Variants in CNKSR2 observed in about 807,000 individuals in gnomAD.
The protein encoded by CNKSR2 is connector enhancer of kinase suppressor of Ras 2.
A neutral mutation model predicts 84.4 loss-of-function variants in CNKSR2; 14 were observed. That is an observed-to-expected ratio of 0.17 (90% CI 0.11 to 0.26). CNKSR2 has a LOEUF of 0.26. CNKSR2 is among the 10% of genes least tolerant of loss of function. The probability of loss-of-function intolerance (pLI) is 1.00; values close to 1 mark genes in which losing one functional copy is unlikely to be tolerated. For missense variants in CNKSR2, 485 were observed against 771.2 expected (o/e 0.63, Z 4.40); for synonymous variants, 275 against 277.9 (o/e 0.99, Z 0.10).
intron 1 of CNKSR2, among the ~76,000 whole-genome samples, chrX:21,378,838 C>A (rs749184166): frequency 9.0e-6 from 1 of 111,223 alleles, no homozygotes; most frequent in South Asian, 3.8e-4. Context: ...CTTCTCTTAC[C>A]ATCTCTGTGA....
intron 1 of CNKSR2, among the ~76,000 whole-genome samples, chrX:21,407,528 C>G (rs183054113): frequency 9.0e-6 from 1 of 110,585 alleles, no homozygotes; most frequent in Non-Finnish European, 1.9e-5. Context: ...GAACCCCTCA[C>G]CCCCTCCTAT....
intron 1 of CNKSR2, among the ~76,000 whole-genome samples, chrX:21,390,604 C>A (rs1035225298): frequency 6.3e-5 from 7 of 111,568 alleles, no homozygotes; most frequent in African/African-American, 2.0e-4. Flanking sequence ...TCACCTCCCA[C>A]CAGGGCCCTC....
At chrX:21,418,252 A>G (rs2090448627) in intron 1 of CNKSR2, among the ~76,000 whole-genome samples, 2 of 111,912 alleles carry the variant, frequency 1.8e-5, no homozygotes, top group South Asian at 7.3e-4. Context: ...TATGTCTTGA[A>G]AAGCTGTTGT....
At chrX:21,551,407 G>A (rs952753674) in intron 11 of CNKSR2, among the ~76,000 whole-genome samples, 2 of 112,167 alleles carry the variant, frequency 1.8e-5, no homozygotes, top group Admixed American at 9.4e-5. Flanking sequence ...AAGTTCGGTG[G>A]TATTCATATG....
At chrX:21,467,802 G>GT (rs2091148202) in intron 4 of CNKSR2, among the ~76,000 whole-genome samples, 1 of 110,376 alleles carries the variant, frequency 9.1e-6, no homozygotes, top group Non-Finnish European at 1.9e-5. Context: ...TGTCAAAATA[G>GT]TTGAGTGTGC....
intron 13 of CNKSR2, among the ~76,000 whole-genome samples, chrX:21,580,006 A>C (rs1029228845): frequency 6.3e-5 from 7 of 111,986 alleles, no homozygotes; most frequent in African/African-American, 1.9e-4. Flanking sequence ...GACTATGAAA[A>C]ATGCCATCTA....
At chrX:21,492,623 A>G (rs2091453640) in intron 6 of CNKSR2, 1 of 111,614 alleles carries the variant, frequency 9.0e-6, no homozygotes, top group African/African-American at 3.3e-5. Flanking sequence ...ATGACTTTAA[A>G]ACTGAAATTA....
intron 1 of CNKSR2, among the ~76,000 whole-genome samples, chrX:21,382,433 A>T (rs911254573): frequency 2.1e-4 from 23 of 111,564 alleles, no homozygotes; most frequent in African/African-American, 6.8e-4. Context: ...ACATTAAAAC[A>T]CACTCCTTCT....
At chrX:21,518,715 A>G (rs1268731687) in intron 9 of CNKSR2, among the ~76,000 whole-genome samples, 1 of 111,951 alleles carries the variant, frequency 8.9e-6, no homozygotes, top group African/African-American at 3.2e-5. Flanking sequence ...CACTATTTCT[A>G]GATCCATTCC....
chrX:21,519,292 G>A (rs1032632398), intron 9 of CNKSR2, among the ~76,000 whole-genome samples: 1 of 110,890 alleles, frequency 9.0e-6, no homozygotes, highest in Non-Finnish European at 1.9e-5. Flanking sequence ...TACAGAAGAT[G>A]GACAAAATCT....
chrX:21,388,197 C>A (rs537717179), intron 1 of CNKSR2, among the ~76,000 whole-genome samples: 1 of 111,802 alleles, frequency 8.9e-6, no homozygotes, highest in South Asian at 3.7e-4. Flanking sequence ...CCGCGCCAGG[C>A]CTATTTTTCC....
intron 10 of CNKSR2, among the ~76,000 whole-genome samples, chrX:21,530,077 A>G (rs757639098): frequency 9.0e-6 from 1 of 110,878 alleles, no homozygotes; most frequent in African/African-American, 3.3e-5. Flanking sequence ...TGCAGTCTCA[A>G]TTTCTTTTTG....
chrX:21,549,321 C>G (rs958273764), intron 11 of CNKSR2, among the ~76,000 whole-genome samples: 1 of 111,662 alleles, frequency 9.0e-6, no homozygotes, highest in Non-Finnish European at 1.9e-5. Flanking sequence ...ACAATTGCTA[C>G]TAAGAGAATA....
intron 20 of CNKSR2, among the ~76,000 whole-genome samples, chrX:21,625,949 G>A (rs1311240866): frequency 3.6e-5 from 4 of 111,874 alleles, no homozygotes; most frequent in African/African-American, 1.3e-4. Context: ...TATTTATGGA[G>A]GCAACACAGT....
At chrX:21,422,135 C>T (rs1203106740) in intron 1 of CNKSR2, 2 of 111,648 alleles carry the variant, frequency 1.8e-5, no homozygotes, top group Admixed American at 9.5e-5. Context: ...ATCCATAGCA[C>T]TGCTCATATT....
intron 5 of CNKSR2, 40 bp from the exon 6 acceptor site, chrX:21,490,419 C>G: frequency 8.6e-7 from 1 of 1,163,040 alleles, no homozygotes; most frequent in Non-Finnish European, 1.2e-6. Flanking sequence ...TTACTTACAA[C>G]ACGTATTTAC....
intron 21 of CNKSR2, among the ~76,000 whole-genome samples, chrX:21,650,563 TTAAAG>T (rs1395632569): frequency 2.7e-5 from 3 of 110,285 alleles, no homozygotes; most frequent in Non-Finnish European, 5.7e-5. Flanking sequence ...TATCCCAGAC[TTAAAG>T]TATAATTAAA....
intron 13 of CNKSR2, among the ~76,000 whole-genome samples, chrX:21,575,722 C>G (rs1207080159): frequency 9.0e-6 from 1 of 111,496 alleles, no homozygotes; most frequent in Non-Finnish European, 1.9e-5. Flanking sequence ...CTGAAAACAT[C>G]AATAGGCACC....
At chrX:21,415,818 A>T (rs1239801719) in intron 1 of CNKSR2, among the ~76,000 whole-genome samples, 1 of 77,944 alleles carries the variant, frequency 1.3e-5, no homozygotes. Flanking sequence ...TATATACAAT[A>T]CATATATACA....
Sources: gnomAD v4.1 joint callset for allele counts (sites outside exome capture counted in the v4.1 genomes callset) on GRCh38, gnomAD v4.1.1 for gene constraint, MANE v1.5 for transcripts, NCBI Gene and HGNC (gene_info 2026-07-23, HGNC 2026-07-21) for gene names.